FGF14: variants seen among roughly 807,000 people sequenced by gnomAD.
The protein encoded by FGF14 is fibroblast growth factor 14.
A neutral mutation model predicts 25.5 loss-of-function variants in FGF14; 5 were observed. The observed-to-expected ratio is 0.20, with a 90% confidence interval of 0.10 to 0.41. The LOEUF (loss-of-function observed/expected upper bound fraction) is 0.41. Ranked by LOEUF, FGF14 falls within the 10% of genes least tolerant of loss-of-function variation. FGF14 has a pLI of 1.00. For synonymous variants in FGF14, 138 were observed against 118.3 expected (o/e 1.17, Z -1.08); for missense variants, 222 against 320.1 (o/e 0.69, Z 2.34).
intron 1 of FGF14, chr13:102,017,192 G>C (rs1305718249): frequency 1.0e-5 from 3 of 288,856 alleles, no homozygotes; most frequent in African/African-American, 2.2e-5. Flanking sequence ...GTATTCTCCA[G>C]TTTTACTTGT....
intron 1 of FGF14, among the ~76,000 whole-genome samples, chr13:101,931,175 C>CA (rs1170516964): frequency 1.3e-5 from 2 of 152,156 alleles, no homozygotes; most frequent in African/African-American, 4.8e-5. Flanking sequence ...TTGACCCACC[C>CA]AGGAGAGCTA....
chr13:102,140,479 C>A (rs2046602917), intron 1 of FGF14, among the ~76,000 whole-genome samples: 1 of 152,010 alleles, frequency 6.6e-6, no homozygotes, highest in South Asian at 2.1e-4. Context: ...GTGTATCATT[C>A]CATTATTTTA....
chr13:101,837,436 A>G (rs1466891614), intron 3 of FGF14, among the ~76,000 whole-genome samples: 1 of 152,116 alleles, frequency 6.6e-6, no homozygotes, highest in Non-Finnish European at 1.5e-5. Flanking sequence ...TTGTGAGAAT[A>G]AAATGAGAGA....
chr13:102,236,864 T>G (rs1214347588), intron 1 of FGF14, among the ~76,000 whole-genome samples: 1 of 152,044 alleles, frequency 6.6e-6, no homozygotes, highest in Non-Finnish European at 1.5e-5. Context: ...CATGCCGAAG[T>G]GAGAAAGGCC....
chr13:102,333,375 A>G (rs1307014967), intron 1 of FGF14, among the ~76,000 whole-genome samples: 2 of 152,182 alleles, frequency 1.3e-5, no homozygotes, highest in Admixed American at 1.3e-4. Flanking sequence ...TTCCAAATAA[A>G]AGAAAGCTGG....
chr13:102,200,930 G>A (rs967332516), intron 1 of FGF14, among the ~76,000 whole-genome samples: 6 of 151,530 alleles, frequency 4.0e-5, no homozygotes, highest in East Asian at 3.9e-4. Flanking sequence ...GTGAAACCCC[G>A]TCTCTACTAA....
chr13:102,360,417 G>A (rs1018450907), intron 1 of FGF14, among the ~76,000 whole-genome samples: 9 of 152,112 alleles, frequency 5.9e-5, no homozygotes, highest in African/African-American at 1.7e-4. Flanking sequence ...TGGCAGCATC[G>A]TGACTGAAAA....
At chr13:102,246,879 T>C (rs2051901495) in intron 1 of FGF14, among the ~76,000 whole-genome samples, 1 of 151,832 alleles carries the variant, frequency 6.6e-6, no homozygotes, top group African/African-American at 2.4e-5. Flanking sequence ...ATGGTACTAG[T>C]ACAAAAACAG....
intron 1 of FGF14, chr13:102,367,287 G>A (rs538035503): frequency 6.6e-6 from 1 of 152,296 alleles, no homozygotes; most frequent in Admixed American, 6.5e-5. Context: ...TCTCATGGAT[G>A]GCAAATTGGT....
chr13:101,855,396 T>A (rs2044073769), intron 3 of FGF14, among the ~76,000 whole-genome samples: 1 of 152,020 alleles, frequency 6.6e-6, no homozygotes, highest in Non-Finnish European at 1.5e-5. Flanking sequence ...ATAGAAAATG[T>A]AATTAGACAT....
intron 1 of FGF14, among the ~76,000 whole-genome samples, chr13:102,102,231 G>T (rs1252347800): frequency 2.6e-5 from 4 of 152,156 alleles, no homozygotes; most frequent in Admixed American, 2.6e-4. Context: ...GCAAGAACAA[G>T]GTGTAAGAAG....
At chr13:101,969,670 A>C (rs950844954) in intron 1 of FGF14, among the ~76,000 whole-genome samples, 1 of 152,236 alleles carries the variant, frequency 6.6e-6, no homozygotes, top group Admixed American at 6.5e-5. Flanking sequence ...CAAAATTTGC[A>C]TATTTCTACC....
At chr13:101,788,552 G>A (rs1434529459) in intron 3 of FGF14, among the ~76,000 whole-genome samples, 3 of 152,044 alleles carry the variant, frequency 2.0e-5, no homozygotes, top group Non-Finnish European at 2.9e-5. Flanking sequence ...GTTGTTGTAA[G>A]AGAGACAAAT....
chr13:101,989,619 T>C (rs1350784476), intron 1 of FGF14, among the ~76,000 whole-genome samples: 1 of 152,154 alleles, frequency 6.6e-6, no homozygotes, highest in Non-Finnish European at 1.5e-5. Context: ...TATGTTTTTG[T>C]ATATGTAGAT....
chr13:102,224,421 G>A (rs1594476463), intron 1 of FGF14, among the ~76,000 whole-genome samples: 1 of 152,214 alleles, frequency 6.6e-6, no homozygotes, highest in Non-Finnish European at 1.5e-5. Flanking sequence ...GTGTGCTCAG[G>A]GTTATAGGGG....
At chr13:102,084,752 A>C (rs887742918) in intron 1 of FGF14, among the ~76,000 whole-genome samples, 1 of 152,228 alleles carries the variant, frequency 6.6e-6, no homozygotes, top group Non-Finnish European at 1.5e-5. Context: ...CCTCATGATC[A>C]GCACAAGCGA....
At chr13:102,331,826 C>T (rs2056641822) in intron 1 of FGF14, among the ~76,000 whole-genome samples, 1 of 152,102 alleles carries the variant, frequency 6.6e-6, no homozygotes, top group Admixed American at 6.6e-5. Flanking sequence ...TGAGGCGATC[C>T]ACTGAGTTTA....
chr13:102,332,472 A>G (rs2056662874), intron 1 of FGF14, among the ~76,000 whole-genome samples: 1 of 152,168 alleles, frequency 6.6e-6, no homozygotes, highest in African/African-American at 2.4e-5. Context: ...TGAAACATTA[A>G]TGAGAATCCA....
chr13:102,037,402 C>T (rs570491181), intron 1 of FGF14, among the ~76,000 whole-genome samples: 2 of 152,174 alleles, frequency 1.3e-5, no homozygotes, highest in Non-Finnish European at 2.9e-5. Context: ...CCTCTCTCCT[C>T]TATTTTCAAA....
Sources: allele counts gnomAD v4.1 joint callset (sites outside exome capture counted in the v4.1 genomes callset), GRCh38; gene constraint gnomAD v4.1.1; transcripts MANE v1.5; gene names NCBI Gene and HGNC (gene_info 2026-07-23, HGNC 2026-07-21).